Variants in MAGI2 observed in about 807,000 individuals in gnomAD.
MAGI2 encodes membrane associated guanylate kinase, WW and PDZ domain containing 2.
Under a neutral mutation model 133.3 loss-of-function variants are expected in MAGI2, and 35 were observed. That is an observed-to-expected ratio of 0.26 (90% CI 0.20 to 0.35). MAGI2 has a LOEUF of 0.35. Among genes scored for constraint, MAGI2 ranks in the 10% least tolerant of loss-of-function variants. The pLI is 1.00. For missense variants in MAGI2, 1,636 were observed against 1,863.4 expected, an observed-to-expected ratio of 0.88 and a Z score of 2.25; for synonymous variants, 729 against 710.6, an observed-to-expected ratio of 1.03 and a Z score of -0.41.
At chr7:79,111,754 C>G (rs565189626) in intron 1 of MAGI2, among the ~76,000 whole-genome samples, 2 of 152,026 alleles carry the variant, frequency 1.3e-5, no homozygotes, top group Admixed American at 1.3e-4. Flanking sequence ...GCAAGCTCCG[C>G]CTCCCAGGTT....
At chr7:79,423,369 GATTTCAAAGTTCTCTTTT>G (rs57172085) in intron 1 of MAGI2, among the ~76,000 whole-genome samples, 37,004 of 151,742 alleles carry the variant, frequency 0.24, 6,485 homozygotes, top group African/African-American at 0.5. Flanking sequence ...AAAATCATCT[GATTTCAAAGTTCTCTTTT>G]CATTTAATAT....
At chr7:79,289,522 A>G (rs938247031) in intron 1 of MAGI2, among the ~76,000 whole-genome samples, 29 of 152,182 alleles carry the variant, frequency 1.9e-4, no homozygotes, top group African/African-American at 7.0e-4. Context: ...ATCCTCTCTG[A>G]TGGACTATTA....
intron 6 of MAGI2, among the ~76,000 whole-genome samples, chr7:78,470,674 T>A (rs1035773053): frequency 6.6e-6 from 1 of 152,126 alleles, no homozygotes; most frequent in Non-Finnish European, 1.5e-5. Flanking sequence ...ATAAAGTAAT[T>A]TGGGCCAGTC....
intron 2 of MAGI2, among the ~76,000 whole-genome samples, chr7:78,814,714 C>T (rs536218392): frequency 6.6e-6 from 1 of 152,094 alleles, no homozygotes; most frequent in African/African-American, 2.4e-5. Flanking sequence ...ATGGAATTTT[C>T]CATTTAATTT....
chr7:78,410,737 T>TG (rs1398607698), intron 6 of MAGI2, among the ~76,000 whole-genome samples: 3 of 151,448 alleles, frequency 2.0e-5, no homozygotes, highest in Non-Finnish European at 4.4e-5. Context: ...AATCACTACC[T>TG]GGGGGAAAAA....
intron 1 of MAGI2, among the ~76,000 whole-genome samples, chr7:79,196,030 T>C (rs1301019317): frequency 6.6e-6 from 1 of 151,916 alleles, no homozygotes; most frequent in Non-Finnish European, 1.5e-5. Context: ...TTGTACAACA[T>C]GGTGAATGTA....
At chr7:78,266,444 C>T (rs1385194935) in intron 9 of MAGI2, among the ~76,000 whole-genome samples, 1 of 152,190 alleles carries the variant, frequency 6.6e-6, no homozygotes, top group African/African-American at 2.4e-5. Context: ...CTCAAGCAAT[C>T]TGCCCACCTT....
chr7:78,058,353 C>G (rs768424925), intron 21 of MAGI2, among the ~76,000 whole-genome samples: 14 of 152,240 alleles, frequency 9.2e-5, no homozygotes, highest in East Asian at 7.7e-4. Flanking sequence ...TCCCTCCCCC[C>G]ACTTTTCCGT....
chr7:78,616,466 G>A (rs1334155418), intron 3 of MAGI2: 2 of 152,116 alleles, frequency 1.3e-5, no homozygotes, highest in South Asian at 4.2e-4. Flanking sequence ...AGTGATTGAA[G>A]GTATAGTTTT....
intron 6 of MAGI2, among the ~76,000 whole-genome samples, chr7:78,386,510 AT>A (rs1429283693): frequency 1.3e-5 from 2 of 152,172 alleles, no homozygotes. Flanking sequence ...CCAGTGAAAA[AT>A]ATTACCCTTA....
At chr7:78,339,247 G>T (rs1024253577) in intron 9 of MAGI2, among the ~76,000 whole-genome samples, 9 of 152,118 alleles carry the variant, frequency 5.9e-5, no homozygotes, top group African/African-American at 2.2e-4. Context: ...AATGCATAGA[G>T]GACTAAATAG....
At chr7:78,922,190 C>CT (rs1348562304) in intron 2 of MAGI2, among the ~76,000 whole-genome samples, 6 of 140,256 alleles carry the variant, frequency 4.3e-5, no homozygotes, top group East Asian at 2.1e-4. Context: ...CAGATTATTT[C>CT]TTTTTTTTAT....
chr7:79,387,783 C>T (rs1006986232), intron 1 of MAGI2, among the ~76,000 whole-genome samples: 1 of 151,844 alleles, frequency 6.6e-6, no homozygotes, highest in African/African-American at 2.4e-5. Context: ...GTCTTCCTTG[C>T]CTTCCTTCTT....
chr7:78,679,684 C>G (rs923060240), intron 2 of MAGI2, among the ~76,000 whole-genome samples: 4 of 152,010 alleles, frequency 2.6e-5, no homozygotes, highest in Admixed American at 2.6e-4. Flanking sequence ...GGAGTTTACA[C>G]GTAGAAAAGA....
At chr7:78,798,956 A>C (rs1400004341) in intron 2 of MAGI2, among the ~76,000 whole-genome samples, 2 of 152,222 alleles carry the variant, frequency 1.3e-5, no homozygotes, top group Non-Finnish European at 1.5e-5. Context: ...GAAGATCAAG[A>C]AAGAAAAGAC....
intron 9 of MAGI2, among the ~76,000 whole-genome samples, chr7:78,299,560 G>A (rs1045312410): frequency 2.0e-5 from 3 of 152,118 alleles, no homozygotes; most frequent in Non-Finnish European, 4.4e-5. Flanking sequence ...CAGTGGGTGT[G>A]TTATATATGG....
intron 2 of MAGI2, among the ~76,000 whole-genome samples, chr7:78,757,643 C>A (rs541733993): frequency 2.0e-4 from 30 of 152,130 alleles, no homozygotes; most frequent in Non-Finnish European, 3.5e-4. Flanking sequence ...TACAGTTGAT[C>A]ATTCTCTCTT....
At chr7:78,277,425 C>CA (rs756228890) in intron 9 of MAGI2, among the ~76,000 whole-genome samples, 14 of 152,142 alleles carry the variant, frequency 9.2e-5, no homozygotes, top group Non-Finnish European at 1.9e-4. Flanking sequence ...GCATCCAGTA[C>CA]AGCAGTGACA....
chr7:78,604,878 G>A (rs1805634171), intron 3 of MAGI2, among the ~76,000 whole-genome samples: 1 of 152,124 alleles, frequency 6.6e-6, no homozygotes, highest in Non-Finnish European at 1.5e-5. Context: ...ATCTATTCAT[G>A]TAATTATGAG....
Sources: gnomAD v4.1 joint callset for allele counts (sites outside exome capture counted in the v4.1 genomes callset) on GRCh38, gnomAD v4.1.1 for gene constraint, MANE v1.5 for transcripts, NCBI Gene and HGNC (gene_info 2026-07-23, HGNC 2026-07-21) for gene names.